UBP1: variants seen among roughly 807,000 people sequenced by gnomAD.
UBP1 encodes the protein upstream-binding protein 1.
Under a neutral mutation model 76.1 loss-of-function variants are expected in UBP1, and 22 were observed. That is an observed-to-expected ratio of 0.29 (90% CI 0.21 to 0.41). UBP1 has a LOEUF of 0.41. Among genes scored for constraint, UBP1 ranks in the 10% least tolerant of loss-of-function variants. The pLI is 1.00. For synonymous variants in UBP1, 224 were observed against 237.1 expected, an observed-to-expected ratio of 0.94 and a Z score of 0.51; for missense variants, 436 against 668.1, an observed-to-expected ratio of 0.65 and a Z score of 3.83.
chr3:33,439,985 G>A lies in UBP1; in HGVS notation c.-137C>T, dbSNP rs899138788. ...CGGCGAGTGGTCACCAGCGGCGGCCGGGACGAGAGCTGCGGGGGCCCCACT... is the reference window on the plus strand; with the variant it reads ...CGGCGAGTGGTCACCAGCGGCGGCCAGGACGAGAGCTGCGGGGGCCCCACT... On this transcript the variant is annotated 5_prime_UTR_variant, in exon 1 of 16. Transcript: ENST00000283629. 18 of 880,276 alleles carry A rather than the reference G, an allele frequency of 2.0e-5. No homozygotes were observed. Among genetic ancestry groups the A allele is most frequent in the South Asian group, 3.6e-5 (2 of 55,822 alleles). The allele number at this position is 880,276 out of a possible 1,614,324, so 54.5% of individuals were successfully genotyped here. A position where few individuals can be genotyped will look rare whatever the true frequency, so the allele number is the denominator to read the frequency against.
At chr3:33,418,249 A>G (rs2044780484) in intron 2 of UBP1, among the ~76,000 whole-genome samples, 1 of 152,092 alleles carries the variant, frequency 6.6e-6, no homozygotes, top group Non-Finnish European at 1.5e-5. Flanking sequence ...AGAAACATTA[A>G]TTTTTATTTA....
intron 4 of UBP1, 125 bp from the exon 5 acceptor site, chr3:33,411,812 C>A: frequency 1.4e-6 from 1 of 721,022 alleles, no homozygotes; most frequent in Non-Finnish European, 2.3e-6. Context: ...TCAATGGTCT[C>A]CATGATCAAC....
intron 14 of UBP1, 81 bp downstream of exon 14, chr3:33,393,231 C>A: frequency 7.2e-7 from 1 of 1,380,718 alleles, no homozygotes; most frequent in South Asian, 1.6e-5. Flanking sequence ...AAAGAGGTCA[C>A]AGAATTTTTC....
chr3:33,425,775 T>C (rs773943646), intron 1 of UBP1, 34 bp from the exon 2 acceptor site: 12 of 1,551,592 alleles, frequency 7.7e-6, no homozygotes, highest in Non-Finnish European at 1.1e-5. Context: ...GACCTTACTT[T>C]GGGTTTGAAA....
chr3:33,399,711 C>A (rs905682854), intron 11 of UBP1, among the ~76,000 whole-genome samples: 6 of 152,260 alleles, frequency 3.9e-5, no homozygotes, highest in Admixed American at 3.9e-4. Context: ...AGTGATGGCA[C>A]AATCCTGTCA....
Position 33,440,382 on chromosome 3 carries a change from G to T in UBP1, c.-534C>A. ...CGGACGCTGGCTTCAACGCGACTCC[G>T]ACTTAGGTTCACGCGCCGCTTCCGC... On this transcript the variant is annotated 5_prime_UTR_variant, in exon 1 of 16. Transcript: ENST00000283629. The T allele has an allele frequency of 6.6e-6, 1 of 152,590 alleles. No homozygotes were observed. Among genetic ancestry groups the T allele is most frequent in the South Asian group, 2.0e-4 (1 of 5,040 alleles). 9.5% of individuals were successfully genotyped at this position (152,590 alleles called of 1,614,324 possible).
Position 33,400,042 on chromosome 3 carries a change from G to A in UBP1, c.1180+147C>T, listed in dbSNP as rs114865972. On this transcript the variant is annotated intron_variant, in intron 11 of 15. Transcript: ENST00000283629. ...AAAATACAAGATATTCCTATTGGGG[G>A]ATAGATATAAAGAACTTCTCTGTAC... 3.5e-3 allele frequency: 1,562 copies of A among 447,530 alleles called. 5 individuals are homozygous for A. The highest frequency in any genetic ancestry group is 4.3e-3 in the Non-Finnish European group (1,125 of 263,770). 27.7% of individuals were successfully genotyped at this position (447,530 alleles called of 1,614,324 possible). A position where few individuals can be genotyped will look rare whatever the true frequency, so the allele number is the denominator to read the frequency against.
chr3:33,390,923 A>G (rs2043739215), intron 15 of UBP1: 1 of 152,476 alleles, frequency 6.6e-6, no homozygotes, highest in South Asian at 2.1e-4. Flanking sequence ...AAAAAAAACA[A>G]AACAGTAAAT....
At chr3:33,436,801 T>A (rs2045211296) in intron 1 of UBP1, among the ~76,000 whole-genome samples, 1 of 152,230 alleles carries the variant, frequency 6.6e-6, no homozygotes, top group Admixed American at 6.5e-5. Context: ...CAAGTTACCA[T>A]GAGTTTCAGT....
At chr3:33,401,531 T>C (rs930266898) in intron 9 of UBP1, among the ~76,000 whole-genome samples, 1 of 152,226 alleles carries the variant, frequency 6.6e-6, no homozygotes, top group African/African-American at 2.4e-5. Context: ...CTTGTACCAC[T>C]ATCCTTGTGC....
intron 3 of UBP1, among the ~76,000 whole-genome samples, chr3:33,415,415 G>T (rs957675852): frequency 6.6e-6 from 1 of 151,942 alleles, no homozygotes; most frequent in African/African-American, 2.4e-5. Context: ...TCTATAATCC[G>T]GCATACACAA....
chr3:33,407,034 G>C (rs2044445636), intron 8 of UBP1, among the ~76,000 whole-genome samples: 1 of 152,134 alleles, frequency 6.6e-6, no homozygotes, highest in East Asian at 1.9e-4. Flanking sequence ...TGAAATGTTG[G>C]CCTTCCTTTG....
chr3:33,403,703 C>A (rs1021225846), intron 8 of UBP1: 1 of 152,150 alleles, frequency 6.6e-6, no homozygotes, highest in African/African-American at 2.4e-5. Context: ...AACAAAGACA[C>A]GGAGATACAC....
At chr3:33,423,857 A>G (rs932746262) in intron 2 of UBP1, among the ~76,000 whole-genome samples, 2 of 152,266 alleles carry the variant, frequency 1.3e-5, no homozygotes, top group African/African-American at 2.4e-5. Flanking sequence ...TCAGTCTACT[A>G]TATCACTACT....
chr3:33,427,957 T>C (rs759229599), intron 1 of UBP1, among the ~76,000 whole-genome samples: 26 of 152,128 alleles, frequency 1.7e-4, no homozygotes, highest in Non-Finnish European at 3.2e-4. Context: ...TTTGGAAGGC[T>C]GAGGTGGGTG....
At chr3:33,393,489 A>G (rs758121594) in intron 13 of UBP1, 35 bp from the exon 14 acceptor site, 8 of 1,584,858 alleles carry the variant, frequency 5.0e-6, no homozygotes, top group Non-Finnish European at 6.9e-6. Context: ...AAGCATTTTA[A>G]CAGTAATCTT....
chr3:33,435,707 G>GA (rs1193215578), intron 1 of UBP1, among the ~76,000 whole-genome samples: 6 of 152,160 alleles, frequency 3.9e-5, no homozygotes, highest in African/African-American at 1.4e-4. Flanking sequence ...AACATGCTCA[G>GA]ATCAGTTAGA....
At position 33,393,471 on chromosome 3, in the gene UBP1, A is replaced by AG. The variant is rs2043847259; in HGVS notation, c.1391-18_1391-17insC. On this transcript the variant is annotated splice_polypyrimidine_tract_variant and intron_variant, in intron 13 of 15. Coordinates refer to ENST00000283629, the MANE Select transcript of UBP1 (RefSeq NM_014517.5). ...CATGATAAACTGAAATTAAAAAAAA[A>AG]AAAAGAAAAGCATTTTAACAGTAAT... is the stretch of plus-strand genomic sequence containing the variant. 6.3e-7 allele frequency: 1 copy of AG among 1,595,556 alleles called. No homozygotes were observed. The highest frequency in any genetic ancestry group is 8.5e-7 in the Non-Finnish European group (1 of 1,174,530).
intron 1 of UBP1, among the ~76,000 whole-genome samples, chr3:33,426,620 C>T (rs564802201): frequency 6.6e-6 from 1 of 152,294 alleles, no homozygotes; most frequent in South Asian, 2.1e-4. Context: ...CCCTGGCACC[C>T]ACTGATTTGT....
Sources: gnomAD v4.1 joint callset for allele counts (sites outside exome capture counted in the v4.1 genomes callset) on GRCh38, gnomAD v4.1.1 for gene constraint, MANE v1.5 for transcripts, NCBI Gene and HGNC (gene_info 2026-07-23, HGNC 2026-07-21) for gene names.